ANKFN1: variants seen among roughly 807,000 people sequenced by gnomAD.
ANKFN1 encodes the protein ankyrin repeat and fibronectin type III domain containing 1.
A neutral mutation model predicts 108.7 loss-of-function variants in ANKFN1; 74 were observed. That is an observed-to-expected ratio of 0.68 (90% CI 0.56 to 0.83). The LOEUF is 0.83. ANKFN1 is among the 40% of genes least tolerant of loss of function. ANKFN1 has a pLI of 0.00. For missense variants in ANKFN1, 1,505 were observed against 1,382.3 expected (o/e 1.09, Z -1.41); for synonymous variants, 547 against 516.2 (o/e 1.06, Z -0.81).
intron 4 of ANKFN1, among the ~76,000 whole-genome samples, chr17:56,123,242 T>G (rs1056266469): frequency 6.6e-6 from 1 of 152,258 alleles, no homozygotes; most frequent in African/African-American, 2.4e-5. Context: ...CTTGACTGTT[T>G]CTGCCTATAC....
At chr17:56,356,324 A>T (rs148798435) in intron 6 of ANKFN1, among the ~76,000 whole-genome samples, 1 of 152,284 alleles carries the variant, frequency 6.6e-6, no homozygotes, top group African/African-American at 2.4e-5. Context: ...CACTGTTTTT[A>T]TGTTTCCTAA....
At position 56,430,104 on chromosome 17, in the gene ANKFN1, T is replaced by C. The variant is rs1598595808; in HGVS notation, c.911-10223T>C. ...GAAAATATTGGTCCTCCTGTTTTCA[T>C]CTGTAAGAAATGGACCATGATATTA... is the stretch of plus-strand genomic sequence containing the variant. On this transcript the variant is annotated intron_variant, in intron 8 of 20. Transcript: ENST00000682825. Among the ~76,000 whole-genome samples the C allele has an allele frequency of 2.0e-5, 3 of 152,236 alleles. No individual in the cohort carries two copies. In the East Asian group the frequency reaches 5.8e-4, roughly 29 times the overall value.
intron 3 of ANKFN1, among the ~76,000 whole-genome samples, chr17:56,305,985 G>A (rs1426663036): frequency 6.6e-6 from 1 of 152,028 alleles, no homozygotes; most frequent in Admixed American, 6.6e-5. Context: ...GTTAGTTTCT[G>A]GATTCTCTGT....
intron 19 of ANKFN1, among the ~76,000 whole-genome samples, chr17:56,494,288 T>C (rs1461335184): frequency 1.3e-5 from 2 of 152,166 alleles, no homozygotes; most frequent in Non-Finnish European, 2.9e-5. Context: ...GAATGTAGAA[T>C]TTAAACATTC....
rs146488724 is a variant in ANKFN1, at chr17:56,477,565, C to T, written c.1851C>T (p.Ser617=). ...ATCTGGGTTACCTAAAGCTCTGTAG[C>T]TCTGTGGATCAAATCAAAGTTCTTG... ...GLYLGYLKLC[S]SVDQIKVLVT... is the part of the protein sequence containing the mutation. The change falls in exon 16 of 21, where the codon AGC becomes AGT. Residue 617 remains serine (S), a synonymous_variant. Transcript: ENST00000682825. 2.9e-4 allele frequency: 471 copies of T among 1,613,214 alleles called. 3 individuals are homozygous for T. The South Asian group carries it at 4.0e-3, about 14-fold the overall frequency.
intron 4 of ANKFN1, among the ~76,000 whole-genome samples, chr17:56,331,078 A>G (rs2045649542): frequency 6.6e-6 from 1 of 152,184 alleles, no homozygotes; most frequent in South Asian, 2.1e-4. Flanking sequence ...TTTTCTGCCT[A>G]GTGACAGGCA....
intron 4 of ANKFN1, among the ~76,000 whole-genome samples, chr17:56,085,372 A>G (rs1245245323): frequency 6.6e-6 from 1 of 150,746 alleles, no homozygotes; most frequent in Non-Finnish European, 1.5e-5. Context: ...CAACATAGGA[A>G]TAGGCCATGT....
chr17:56,334,882 C>A (rs1349369083), intron 4 of ANKFN1, among the ~76,000 whole-genome samples: 1 of 151,940 alleles, frequency 6.6e-6, no homozygotes, highest in Non-Finnish European at 1.5e-5. Context: ...GTCTTTAATC[C>A]ATCTTGAATT....
intron 10 of ANKFN1, among the ~76,000 whole-genome samples, chr17:56,445,849 C>T (rs1290183984): frequency 2.6e-5 from 4 of 152,242 alleles, no homozygotes; most frequent in Non-Finnish European, 4.4e-5. Context: ...ATCCCGATAT[C>T]GCCAGTGAAT....
chr17:56,504,670 T>A (rs998290534), intron 20 of ANKFN1, among the ~76,000 whole-genome samples: 2 of 152,072 alleles, frequency 1.3e-5, no homozygotes, highest in African/African-American at 4.8e-5. Context: ...TTTTTCTTTT[T>A]TATGAGGCAG....
At chr17:56,431,176 T>C (rs2048742058) in intron 8 of ANKFN1, among the ~76,000 whole-genome samples, 1 of 152,166 alleles carries the variant, frequency 6.6e-6, no homozygotes, top group Non-Finnish European at 1.5e-5. Context: ...GATCAAGAAC[T>C]TCCAGAAATG....
intron 2 of ANKFN1, among the ~76,000 whole-genome samples, chr17:56,225,740 G>A (rs1404781011): frequency 6.6e-6 from 1 of 152,184 alleles, no homozygotes; most frequent in Non-Finnish European, 1.5e-5. Context: ...GTCTGAAAAA[G>A]CACACTGCCA....
At position 56,201,952 on chromosome 17, in the gene ANKFN1, G is replaced by A. The variant is rs146990315; in HGVS notation, c.-70-10646G>A. Among the ~76,000 whole-genome samples, 6 of 152,306 alleles carry A rather than the reference G, an allele frequency of 3.9e-5. No individual in the cohort carries two copies. In the East Asian group the frequency reaches 7.7e-4, roughly 20 times the overall value. ...CCATCCAGTGGGCACTGAGACCATG[G>A]TGGGAGGATATGTCCATGGGAGCCA... On this transcript the variant is annotated intron_variant, in intron 1 of 20. Coordinates refer to ENST00000682825, the MANE Select transcript of ANKFN1 (RefSeq NM_001370326.1).
rs149988279 is a variant in ANKFN1 at position 56,452,479 on chromosome 17, G to C, written c.1207+3293G>C. Reference sequence around the variant, plus strand: ...TCCCTCATGCTATGCGTTTACCACTGATCAGCTGGGAGTTCTCCTTCTGTG... The same window carrying C: ...TCCCTCATGCTATGCGTTTACCACTCATCAGCTGGGAGTTCTCCTTCTGTG... On this transcript the variant is annotated intron_variant, in intron 11 of 20. Transcript: ENST00000682825. Among the ~76,000 whole-genome samples, 577 of 152,282 alleles carry C rather than the reference G, an allele frequency of 3.8e-3. 1 individual carries two copies. Among genetic ancestry groups the C allele is most frequent in the African/African-American group, 0.013 (522 of 41,554 alleles).
At chr17:56,159,266 G>A (rs565432698) in intron 1 of ANKFN1, among the ~76,000 whole-genome samples, 4 of 152,320 alleles carry the variant, frequency 2.6e-5, no homozygotes, top group African/African-American at 7.2e-5. Context: ...ACTTGGGATT[G>A]GAACCAGCTG....
In ANKFN1 at chr17:56,492,248, G is replaced by A; in HGVS notation, c.2322G>A (p.Val774=). The A allele has an allele frequency of 1.4e-6, 1 of 702,564 alleles. No individual in the cohort carries two copies. Among genetic ancestry groups the A allele is most frequent in the South Asian group, 1.5e-5 (1 of 67,548 alleles). 43.5% of individuals were successfully genotyped at this position (702,564 alleles called of 1,614,324 possible). Residue 774 remains valine, a synonymous_variant, in exon 19 of 21, where the codon GTG becomes GTA. Coordinates refer to ENST00000682825, the MANE Select transcript of ANKFN1 (RefSeq NM_001370326.1). ...ISLYCRLSAV[V]ELDSLNTQQS... Reference sequence around the variant, plus strand: ...TGTATTGCCGCCTTTCTGCTGTTGTGGAGCTGGATTCTCTGAACACCCAAC... The same window carrying A: ...TGTATTGCCGCCTTTCTGCTGTTGTAGAGCTGGATTCTCTGAACACCCAAC...
At position 56,308,458 on chromosome 17, in the gene ANKFN1, T is replaced by C. The variant is rs552266212; in HGVS notation, c.54-17763T>C. Reference sequence around the variant, plus strand: ...TTCTAGTGGTCTTTTTGTAGATTTGTTGGGATTTTCTACAGACAATAATTT... The same window carrying C: ...TTCTAGTGGTCTTTTTGTAGATTTGCTGGGATTTTCTACAGACAATAATTT... On this transcript the variant is annotated intron_variant, in intron 3 of 20. Transcript: ENST00000682825. 2.0e-5 allele frequency among the ~76,000 whole-genome samples: 3 copies of C among 152,274 alleles called. No individual in the cohort carries two copies. In the South Asian group the frequency reaches 6.2e-4, roughly 32 times the overall value.
chr17:56,164,818 A>T (rs1420840903), intron 1 of ANKFN1, among the ~76,000 whole-genome samples: 1 of 152,228 alleles, frequency 6.6e-6, no homozygotes. Context: ...CTTGATGGTG[A>T]TAACTATTGG....
chr17:56,134,011 T>C (rs1907448101), intron 4 of ANKFN1, among the ~76,000 whole-genome samples: 1 of 152,080 alleles, frequency 6.6e-6, no homozygotes, highest in Admixed American at 6.6e-5. Flanking sequence ...TCGCAAGTAG[T>C]AGGATGTTAC....
Sources: allele counts gnomAD v4.1 joint callset (sites outside exome capture counted in the v4.1 genomes callset), GRCh38; gene constraint gnomAD v4.1.1; transcripts MANE v1.5; gene names NCBI Gene and HGNC (gene_info 2026-07-23, HGNC 2026-07-21).